GAB1: variants seen among roughly 807,000 people sequenced by gnomAD.
The protein encoded by GAB1 is GRB2-associated-binding protein 1.
A neutral mutation model predicts 66.5 loss-of-function variants in GAB1; 19 were observed. That is an observed-to-expected ratio of 0.29 (90% CI 0.20 to 0.42). The LOEUF is 0.42. Ranked by LOEUF, GAB1 falls within the 10% of genes least tolerant of loss-of-function variation. The pLI is 1.00. For synonymous variants in GAB1, 294 were observed against 301.4 expected (o/e 0.98, Z 0.25); for missense variants, 732 against 858.5 (o/e 0.85, Z 1.84).
chr4:143,394,090 G>A (rs1259292734), intron 1 of GAB1, among the ~76,000 whole-genome samples: 4 of 152,094 alleles, frequency 2.6e-5, no homozygotes, highest in Admixed American at 1.3e-4. Context: ...TGGCTAACAC[G>A]GTGAAACCCT....
intron 2 of GAB1, among the ~76,000 whole-genome samples, chr4:143,426,315 T>G (rs1733354450): frequency 6.6e-6 from 1 of 152,168 alleles, no homozygotes; most frequent in Admixed American, 6.5e-5. Flanking sequence ...TTTGGGAGAC[T>G]GAGGCTGGAG....
chr4:143,372,316 G>A (rs943815633), intron 1 of GAB1, among the ~76,000 whole-genome samples: 5 of 152,032 alleles, frequency 3.3e-5, no homozygotes, highest in African/African-American at 1.2e-4. Context: ...TGACATTTTT[G>A]GTGTTTGTTT....
chr4:143,369,710 G>T (rs563635459), intron 1 of GAB1, among the ~76,000 whole-genome samples: 1 of 152,304 alleles, frequency 6.6e-6, no homozygotes, highest in South Asian at 2.1e-4. Context: ...GGAATGATTG[G>T]ATTTGAAGCC....
At chr4:143,371,089 G>A (rs1456812709) in intron 1 of GAB1, among the ~76,000 whole-genome samples, 2 of 152,194 alleles carry the variant, frequency 1.3e-5, no homozygotes, top group East Asian at 3.9e-4. Context: ...GGGTCAAATG[G>A]TATTTCTAGT....
chr4:143,350,299 T>A (rs183857736), intron 1 of GAB1, among the ~76,000 whole-genome samples: 1 of 152,272 alleles, frequency 6.6e-6, no homozygotes, highest in East Asian at 1.9e-4. Flanking sequence ...ACTGCCTGAT[T>A]GGGACTAAGA....
At chr4:143,357,412 G>A (rs1194613233) in intron 1 of GAB1, among the ~76,000 whole-genome samples, 2 of 152,136 alleles carry the variant, frequency 1.3e-5, no homozygotes, top group African/African-American at 2.4e-5. Flanking sequence ...GGAACCAGGG[G>A]TTATCAGATA....
intron 2 of GAB1, among the ~76,000 whole-genome samples, chr4:143,419,163 T>G (rs1297044255): frequency 2.0e-5 from 3 of 152,004 alleles, no homozygotes; most frequent in Admixed American, 6.6e-5. Flanking sequence ...TTGTAATAAT[T>G]GATGAGTGCA....
At chr4:143,382,464 T>C (rs147698569) in intron 1 of GAB1, among the ~76,000 whole-genome samples, 4 of 152,330 alleles carry the variant, frequency 2.6e-5, no homozygotes, top group African/African-American at 9.6e-5. Context: ...TGCTTTTGTA[T>C]TTGGGACTTG....
At chr4:143,349,874 CAAT>C (rs1309850844) in intron 1 of GAB1, 9 of 1,584,598 alleles carry the variant, frequency 5.7e-6, no homozygotes, top group Non-Finnish European at 7.7e-6. Flanking sequence ...AGGAAAAAGT[CAAT>C]GATCTCTGAT....
chr4:143,359,737 C>T (rs1204725532), intron 1 of GAB1, among the ~76,000 whole-genome samples: 1 of 152,186 alleles, frequency 6.6e-6, no homozygotes, highest in African/African-American at 2.4e-5. Flanking sequence ...TCCTAGAGTA[C>T]CTCTTCCTTC....
At chr4:143,350,031 G>A (rs1659350516) in intron 1 of GAB1, 11 of 1,555,046 alleles carry the variant, frequency 7.1e-6, no homozygotes, top group Non-Finnish European at 8.7e-6. Flanking sequence ...TGCCACTGCC[G>A]AAACCTCCGC....
At chr4:143,430,778 A>G (rs115042856) in intron 2 of GAB1, among the ~76,000 whole-genome samples, 2,062 of 152,314 alleles carry the variant, frequency 0.014, 53 homozygotes, top group African/African-American at 0.046. Flanking sequence ...CAGAAAAACC[A>G]TATTATATGC....
rs555815103 is a variant in GAB1, at chr4:143,389,345, A to G, written c.73-26132A>G. On this transcript the variant is annotated intron_variant, in intron 1 of 9. Coordinates refer to ENST00000262994, the MANE Select transcript of GAB1 (RefSeq NM_002039.4). Reference sequence around the variant, plus strand: ...TTAAAACCTAGTGAGATTGGTGGCAATGTTGGGAAGCAGATGGATGAGCAT... The same window carrying G: ...TTAAAACCTAGTGAGATTGGTGGCAGTGTTGGGAAGCAGATGGATGAGCAT... Among the ~76,000 whole-genome samples the G allele has an allele frequency of 2.2e-4, 34 of 152,348 alleles. No individual in the cohort carries two copies. In the South Asian group the frequency reaches 6.0e-3, roughly 27 times the overall value.
intron 2 of GAB1, among the ~76,000 whole-genome samples, chr4:143,416,905 A>G (rs1375485382): frequency 1.3e-5 from 2 of 152,208 alleles, no homozygotes; most frequent in African/African-American, 4.8e-5. Context: ...AAAAAATTGC[A>G]ACCTCAAGCA....
chr4:143,441,926 G>C (rs563865616), intron 6 of GAB1, among the ~76,000 whole-genome samples: 5 of 152,206 alleles, frequency 3.3e-5, no homozygotes, highest in Non-Finnish European at 7.3e-5. Context: ...ATTGGTCTAT[G>C]TGTGTCACAC....
chr4:143,421,660 G>T (rs6837464), intron 2 of GAB1, among the ~76,000 whole-genome samples: 61,034 of 143,210 alleles, frequency 0.43, 13,801 homozygotes, highest in African/African-American at 0.62. Context: ...GAGTTTTTAG[G>T]TTTTTTTTCT....
At chr4:143,385,578 C>T (rs1035454044) in intron 1 of GAB1, among the ~76,000 whole-genome samples, 3 of 152,274 alleles carry the variant, frequency 2.0e-5, no homozygotes, top group Admixed American at 6.5e-5. Flanking sequence ...GAGTTGCCCT[C>T]ATCTTCACAG....
At chr4:143,427,861 C>T (rs965374961) in intron 2 of GAB1, among the ~76,000 whole-genome samples, 7 of 152,168 alleles carry the variant, frequency 4.6e-5, no homozygotes, top group African/African-American at 1.7e-4. Flanking sequence ...TCCCAGGTTC[C>T]CTTCTCTTCC....
At chr4:143,459,702 C>T (rs556966858) in intron 7 of GAB1, among the ~76,000 whole-genome samples, 2 of 152,042 alleles carry the variant, frequency 1.3e-5, no homozygotes, top group Non-Finnish European at 2.9e-5. Flanking sequence ...CCAGAGGCTA[C>T]ATGATAAGTG....
Sources: gnomAD v4.1 joint callset for allele counts (sites outside exome capture counted in the v4.1 genomes callset) on GRCh38, gnomAD v4.1.1 for gene constraint, MANE v1.5 for transcripts, NCBI Gene and HGNC (gene_info 2026-07-23, HGNC 2026-07-21) for gene names.